The following ARMC9 variants were observed in gnomAD, a reference collection of about 807,000 sequenced individuals.
ARMC9 encodes lisH domain-containing protein ARMC9.
ARMC9 carries 94 observed loss-of-function variants against 107.0 expected under a neutral mutation model. The observed-to-expected ratio is 0.88, with a 90% CI of 0.74 to 1.04. The LOEUF (loss-of-function observed/expected upper bound fraction) is 1.04. Ranked by LOEUF, ARMC9 falls within the 50% of genes least tolerant of loss-of-function variation. The probability of loss-of-function intolerance (pLI) is 0.00; values close to 1 mark genes in which losing one functional copy is unlikely to be tolerated. For synonymous variants in ARMC9, 380 were observed against 396.9 expected (o/e 0.96, Z 0.51); for missense variants, 942 against 1,030.1 (o/e 0.91, Z 1.17).
intron 9 of ARMC9, among the ~76,000 whole-genome samples, chr2:231,240,334 C>T (rs1231674177): frequency 6.6e-6 from 1 of 152,218 alleles, no homozygotes; most frequent in South Asian, 2.1e-4. Flanking sequence ...ACTTTATTCT[C>T]CTTTTTTAAA....
intron 20 of ARMC9, among the ~76,000 whole-genome samples, chr2:231,340,938 C>T (rs960883757): frequency 6.6e-6 from 1 of 151,800 alleles, no homozygotes; most frequent in African/African-American, 2.4e-5. Context: ...GGCATGGTGG[C>T]TCGTGTGTAA....
chr2:231,279,982 A>G (rs1322132837), intron 16 of ARMC9, among the ~76,000 whole-genome samples: 1 of 152,210 alleles, frequency 6.6e-6, no homozygotes, highest in Non-Finnish European at 1.5e-5. Context: ...CCAGGCCTGA[A>G]TGAACTCTGT....
chr2:231,338,598 A>G (rs975942836), intron 20 of ARMC9, among the ~76,000 whole-genome samples: 6 of 140,650 alleles, frequency 4.3e-5, no homozygotes, highest in African/African-American at 1.4e-4. Context: ...GGAATGCGGT[A>G]GAGCAAACAT....
At chr2:231,325,873 A>C (rs934308815) in intron 19 of ARMC9, among the ~76,000 whole-genome samples, 10 of 152,250 alleles carry the variant, frequency 6.6e-5, no homozygotes, top group African/African-American at 2.2e-4. Flanking sequence ...GCAGCAGCAG[A>C]AGAAGGTGGC....
intron 19 of ARMC9, among the ~76,000 whole-genome samples, chr2:231,306,986 G>A (rs1287677501): frequency 6.6e-6 from 1 of 152,174 alleles, no homozygotes; most frequent in East Asian, 1.9e-4. Context: ...TGGTGCTCAG[G>A]GCTGGATCAT....
chr2:231,325,343 A>G (rs1336571666), intron 19 of ARMC9, among the ~76,000 whole-genome samples: 1 of 152,246 alleles, frequency 6.6e-6, no homozygotes, highest in Non-Finnish European at 1.5e-5. Flanking sequence ...AATGGGTCTT[A>G]CATATGTACT....
At chr2:231,213,483 T>G (rs1405212179) in intron 3 of ARMC9, among the ~76,000 whole-genome samples, 1 of 145,874 alleles carries the variant, frequency 6.9e-6, no homozygotes, top group Non-Finnish European at 1.5e-5. Context: ...CTTTTTTGGT[T>G]TTTTTTTTTT....
At chr2:231,340,474 T>G (rs1044338624) in intron 20 of ARMC9, among the ~76,000 whole-genome samples, 2 of 152,238 alleles carry the variant, frequency 1.3e-5, no homozygotes, top group Admixed American at 1.3e-4. Flanking sequence ...GCACACTGAT[T>G]ATTCACAAAT....
At chr2:231,339,265 T>A (rs181282625) in intron 20 of ARMC9, among the ~76,000 whole-genome samples, 4,605 of 151,860 alleles carry the variant, frequency 0.03, 232 homozygotes, top group African/African-American at 0.1. Flanking sequence ...GAGGCAGAGG[T>A]TGCAGTGAGC....
In ARMC9 at chr2:231,276,708, C is replaced by G. The variant is rs2125443696; in HGVS notation, c.1407C>G (p.Asp469Glu). Residue 469 changes from aspartate to glutamate, a missense_variant, in exon 15 of 25, where the codon GAC becomes GAG. Transcript: ENST00000611582. ...TGGTTGATGTTCTGAAGGACCCTGA[C>G]TGCCTGTCTGACTACACGCTGGAGT... ...FWLVDVLKDP[D>E]CLSDYTLEYS... 1 of 1,614,180 alleles carries G rather than the reference C, an allele frequency of 6.2e-7. No individual in the cohort carries two copies.
chr2:231,307,405 G>A (rs1346927195), intron 19 of ARMC9, among the ~76,000 whole-genome samples: 1 of 152,196 alleles, frequency 6.6e-6, no homozygotes, highest in Non-Finnish European at 1.5e-5. Flanking sequence ...GATGGTTGGG[G>A]TGTGAGCTCT....
chr2:231,264,399 G>A (rs774449843), intron 12 of ARMC9, among the ~76,000 whole-genome samples: 8 of 151,792 alleles, frequency 5.3e-5, no homozygotes, highest in Admixed American at 3.3e-4. Context: ...GGCTAGTCTC[G>A]AACTCCTGAC....
intron 11 of ARMC9, among the ~76,000 whole-genome samples, chr2:231,259,508 A>G (rs549263520): frequency 2.6e-5 from 4 of 152,320 alleles, no homozygotes; most frequent in African/African-American, 9.6e-5. Flanking sequence ...CACAGGGCCT[A>G]AGGAAAGTGT....
chr2:231,327,794 G>T lies in ARMC9; in HGVS notation c.1774-3999G>T, dbSNP rs923172394. Among the ~76,000 whole-genome samples the T allele has an allele frequency of 4.6e-5, 7 of 151,634 alleles. No homozygotes were observed. In the Middle Eastern group the frequency reaches 0.01, roughly 221 times the overall value. On this transcript the variant is annotated intron_variant, in intron 19 of 24. Transcript: ENST00000611582. ...AGCTTTTTTTGTTTTTGTTTTTTTGGTTTTTTTTGACACTGAGTCTTGCTC... is the reference window on the plus strand; with the variant it reads ...AGCTTTTTTTGTTTTTGTTTTTTTGTTTTTTTTTGACACTGAGTCTTGCTC...
At chr2:231,367,517 T>G (rs531777267) in intron 23 of ARMC9, among the ~76,000 whole-genome samples, 41 of 152,294 alleles carry the variant, frequency 2.7e-4, no homozygotes, top group African/African-American at 9.1e-4. Flanking sequence ...CATGCGATGG[T>G]CCTAGGGCTA....
intron 20 of ARMC9, among the ~76,000 whole-genome samples, chr2:231,341,775 C>T (rs1371719184): frequency 3.3e-5 from 5 of 152,080 alleles, no homozygotes; most frequent in Non-Finnish European, 7.4e-5. Flanking sequence ...ATTTTTTTTA[C>T]CTAAATTGAC....
chr2:231,224,793 C>A (rs1270736985), intron 6 of ARMC9, among the ~76,000 whole-genome samples: 1 of 152,176 alleles, frequency 6.6e-6, no homozygotes, highest in Non-Finnish European at 1.5e-5. Flanking sequence ...AGATGTAATT[C>A]TCTTAGCCAA....
intron 22 of ARMC9, among the ~76,000 whole-genome samples, chr2:231,357,514 C>T (rs1012115674): frequency 6.6e-6 from 1 of 152,222 alleles, no homozygotes; most frequent in East Asian, 1.9e-4. Context: ...CTCCCTGGCC[C>T]TGCCAGGCCC....
rs527760778 is a variant in ARMC9, at chr2:231,347,165, G to T, written c.1994+2075G>T. The stretch of plus-strand genomic sequence containing the variant: ...ATCTATCTCCCCTCTGATATGTGGG[G>T]GTGGCCCCATCAAGATCTTTGACTG... On this transcript the variant is annotated intron_variant, in intron 21 of 24. Coordinates refer to ENST00000611582, the MANE Select transcript of ARMC9 (RefSeq NM_001352754.2). Among the ~76,000 whole-genome samples the T allele has an allele frequency of 2.0e-5, 3 of 152,220 alleles. No individual in the cohort carries two copies. In the South Asian group the frequency reaches 6.2e-4, roughly 32 times the overall value.
Sources: gnomAD v4.1 joint callset for allele counts (sites outside exome capture counted in the v4.1 genomes callset) on GRCh38, gnomAD v4.1.1 for gene constraint, MANE v1.5 for transcripts, NCBI Gene and HGNC (gene_info 2026-07-23, HGNC 2026-07-21) for gene names.